FREM2: variants seen among roughly 807,000 people sequenced by gnomAD.
FREM2 encodes the protein FRAS1 related extracellular matrix 2.
A neutral mutation model predicts 219.9 loss-of-function variants in FREM2; 119 were observed. That is an observed-to-expected ratio of 0.54 (90% CI 0.47 to 0.63). FREM2 has a LOEUF of 0.63. Among genes scored for constraint, FREM2 ranks in the 30% least tolerant of loss-of-function variants. The pLI, the probability that FREM2 is intolerant of heterozygous loss-of-function variation, is 0.00. For synonymous variants in FREM2, 1,562 were observed against 1,522.8 expected (o/e 1.03, Z -0.60); for missense variants, 4,030 against 3,993.6 (o/e 1.01, Z -0.25).
intron 14 of FREM2, among the ~76,000 whole-genome samples, chr13:38,860,650 T>C (rs1347713548): frequency 6.6e-6 from 1 of 152,246 alleles, no homozygotes; most frequent in Non-Finnish European, 1.5e-5. Context: ...CTATTTTCTC[T>C]GTTTTATACA....
Position 38,688,011 on chromosome 13 carries a change from G to A in FREM2, c.667G>A (p.Gly223Ser), listed in dbSNP as rs1274846305. Residue 223 changes from glycine (G) to serine (S), a missense_variant, in exon 1 of 24, where the codon GGC becomes AGC. Gly to Ser is a moderately conservative substitution (Grantham distance 56). Around this residue, in one of 2 missense-constraint regions of FREM2, gnomAD observed 3,102 missense variants for 2,950.7 expected, o/e 1.05. Coordinates refer to ENST00000280481, the MANE Select transcript of FREM2 (RefSeq NM_207361.6). ...GGAGTGCCGCGTGGGCATCCTGTCC[G>A]GCTTGGGCGCGCTGCCTCGCTATGG... ...TEECRVGILSGLGALPRYGEL... is the reference protein window; with the variant it reads ...TEECRVGILSSLGALPRYGEL... The A allele has an allele frequency of 6.2e-7, 1 of 1,611,890 alleles. No individual in the cohort carries two copies. Among genetic ancestry groups the A allele is most frequent in the Non-Finnish European group, 8.5e-7 (1 of 1,178,558 alleles).
At position 38,688,265 on chromosome 13, in the gene FREM2, G is replaced by A; in HGVS notation, c.921G>A (p.Val307=). 6.2e-7 allele frequency: 1 copy of A among 1,614,056 alleles called. No individual in the cohort carries two copies. Among genetic ancestry groups the A allele is most frequent in the Non-Finnish European group, 8.5e-7 (1 of 1,180,042 alleles). ...AACGCGAGCACTTCCAGGTTCTGGT[G>A]AGGATCCGAGGAGGGGCCGAGAACA... is the stretch of plus-strand genomic sequence containing the variant. The part of the protein sequence containing the change: ...ALKREHFQVL[V]RIRGGAENTA... The change falls in exon 1 of 24, where the codon GTG becomes GTA. Residue 307 remains valine (V), a synonymous_variant. Transcript: ENST00000280481.
intron 6 of FREM2, among the ~76,000 whole-genome samples, chr13:38,838,799 T>G (rs967180960): frequency 6.6e-6 from 1 of 152,226 alleles, no homozygotes; most frequent in Non-Finnish European, 1.5e-5. Context: ...GTGCTGTGTT[T>G]TTCAGCTCCA....
At chr13:38,743,747 T>G (rs1038015635) in intron 2 of FREM2, among the ~76,000 whole-genome samples, 6 of 152,150 alleles carry the variant, frequency 3.9e-5, no homozygotes, top group African/African-American at 1.4e-4. Flanking sequence ...GCTTAATCCT[T>G]ACTGAATAGA....
At chr13:38,694,873 A>G (rs1870040005) in intron 1 of FREM2, among the ~76,000 whole-genome samples, 1 of 152,142 alleles carries the variant, frequency 6.6e-6, no homozygotes, top group African/African-American at 2.4e-5. Flanking sequence ...CTTCCCTACA[A>G]TAAGTACGTA....
intron 6 of FREM2, 143 bp from the exon 7 acceptor site, chr13:38,846,430 A>G (rs1877154842): frequency 1.3e-6 from 1 of 752,674 alleles, no homozygotes; most frequent in South Asian, 1.7e-5. Flanking sequence ...GATTAAAGAG[A>G]TGTTATCTCA....
At chr13:38,828,621 G>A (rs756689672) in intron 6 of FREM2, among the ~76,000 whole-genome samples, 4 of 151,984 alleles carry the variant, frequency 2.6e-5, no homozygotes, top group Non-Finnish European at 5.9e-5. Flanking sequence ...TGAGGCAGGA[G>A]GATCACTTGA....
intron 21 of FREM2, 71 bp downstream of exon 21, chr13:38,877,314 T>A (rs749789511): frequency 5.9e-5 from 92 of 1,552,186 alleles, no homozygotes; most frequent in Non-Finnish European, 6.6e-5. Context: ...TTTTGGGGAT[T>A]GTGTTTGAGG....
rs777478505 is a variant in FREM2 at position 38,872,797 on chromosome 13, A to G, written c.8039A>G (p.Tyr2680Cys). The G allele has an allele frequency of 6.2e-7, 1 of 1,613,822 alleles. No homozygotes were observed. The highest frequency in any genetic ancestry group is 1.3e-5 in the African/African-American group (1 of 74,856). Residue 2680 changes from tyrosine to cysteine, a missense_variant, in exon 17 of 24, where the codon TAC (tyrosine) becomes TGC (cysteine). Tyr to Cys is a radical substitution (Grantham distance 194). Transcript: ENST00000280481. ...CTTCGAGTCCCTCTGTATGTTTCCT[A>G]CGTGTTCCATTCCCCCGTGGGGGTA... ...VTLRVPLYVS[Y>C]VFHSPVGVGG...
intron 6 of FREM2, among the ~76,000 whole-genome samples, chr13:38,845,927 T>C (rs929477770): frequency 3.9e-5 from 6 of 152,212 alleles, no homozygotes; most frequent in Non-Finnish European, 5.9e-5. Context: ...AGAATTAATA[T>C]TAACCTCTTC....
rs1878538577 is a variant in FREM2 at position 38,881,231 on chromosome 13, A to T, written c.*444A>T. ...TATTACTAGAAAGGTTTTTGTTGCT[A>T]GTCTGGAAAACTGGTGAACACACTG... On this transcript the variant is annotated 3_prime_UTR_variant, in exon 24 of 24. Transcript: ENST00000280481. The T allele has an allele frequency of 4.3e-6, 1 of 234,290 alleles. No individual in the cohort carries two copies. The highest frequency in any genetic ancestry group is 2.3e-5 in the African/African-American group (1 of 43,548). 14.5% of individuals were successfully genotyped at this position (234,290 alleles called of 1,614,324 possible).
intron 4 of FREM2, among the ~76,000 whole-genome samples, chr13:38,782,512 A>T (rs774944994): frequency 6.6e-6 from 1 of 152,236 alleles, no homozygotes; most frequent in African/African-American, 2.4e-5. Flanking sequence ...ATTTTTTAAA[A>T]TGTTGAACAA....
In FREM2 at chr13:38,769,670, G is replaced by T. The variant is rs767743882; in HGVS notation, c.5503G>T (p.Ala1835Ser). The T allele has an allele frequency of 5.0e-6, 8 of 1,614,154 alleles. No individual in the cohort carries two copies. In the South Asian group the frequency reaches 8.8e-5, roughly 18 times the overall value. Residue 1835 changes from alanine to serine, a missense_variant, in exon 4 of 24, where the codon GCC becomes TCC. Transcript: ENST00000280481. ...GCAGTTCAACCCAGGCCAGACCAGG[G>T]CCACATGGCGAGTGCGGATCCTGAG... ...QVQFNPGQTRATWRVRILSDG... is the reference protein window; with the variant it reads ...QVQFNPGQTRSTWRVRILSDG...
chr13:38,720,572 T>C (rs1871185328), intron 2 of FREM2, among the ~76,000 whole-genome samples: 1 of 152,186 alleles, frequency 6.6e-6, no homozygotes, highest in Admixed American at 6.5e-5. Context: ...TAAAATCAGG[T>C]GTCAGGCAGG....
At chr13:38,863,170 C>T (rs1042173699) in intron 15 of FREM2, among the ~76,000 whole-genome samples, 1 of 152,106 alleles carries the variant, frequency 6.6e-6, no homozygotes, top group Admixed American at 6.5e-5. Context: ...ATGCCTCAGC[C>T]TCCTAAGTAG....
Position 38,851,728 on chromosome 13 carries a change from A to C in FREM2, c.6785A>C (p.Glu2262Ala). 1.2e-6 allele frequency: 2 copies of C among 1,613,672 alleles called. No homozygotes were observed. The highest frequency in any genetic ancestry group is 1.7e-6 in the Non-Finnish European group (2 of 1,179,592). The change falls in exon 11 of 24, where the codon GAA becomes GCA. Residue 2262 changes from glutamate to alanine, a missense_variant. Around this residue, in one of 2 missense-constraint regions of FREM2, gnomAD observed 3,102 missense variants for 2,950.7 expected, o/e 1.05. Transcript: ENST00000280481. ...KFGETKFSVT[E>A]PKEPGESVVI... ...GGAGAAACCAAATTTAGTGTCACTGAACCCAAAGAACCTGGAGAGTCGGTG... is the reference window on the plus strand; with the variant it reads ...GGAGAAACCAAATTTAGTGTCACTGCACCCAAAGAACCTGGAGAGTCGGTG...
chr13:38,798,627 A>G (rs1055706424), intron 6 of FREM2, among the ~76,000 whole-genome samples: 5 of 152,106 alleles, frequency 3.3e-5, no homozygotes, highest in African/African-American at 1.2e-4. Flanking sequence ...ACTTTTCATT[A>G]CTGATTCAAT....
At chr13:38,781,090 C>A (rs1416991244) in intron 4 of FREM2, among the ~76,000 whole-genome samples, 1 of 152,150 alleles carries the variant, frequency 6.6e-6, no homozygotes, top group African/African-American at 2.4e-5. Flanking sequence ...CTGAAGGGCT[C>A]ATGTGACCTG....
chr13:38,689,181 C>T lies in FREM2; in HGVS notation c.1837C>T (p.Arg613Cys), dbSNP rs140036522. The T allele has an allele frequency of 1.0e-4, 163 of 1,613,944 alleles. No homozygotes were observed. Among genetic ancestry groups the T allele is most frequent in the Admixed American group, 1.7e-4 (10 of 59,994 alleles). Residue 613 changes from arginine to cysteine, a missense_variant, in exon 1 of 24, where the codon CGC (arginine) becomes TGC (cysteine). Arg to Cys is a radical substitution (Grantham distance 180). Around this residue, in one of 2 missense-constraint regions of FREM2, gnomAD observed 3,102 missense variants for 2,950.7 expected, o/e 1.05. Coordinates refer to ENST00000280481, the MANE Select transcript of FREM2 (RefSeq NM_207361.6). The part of the protein sequence containing the change: ...PFLTTGHLLL[R>C]QTHPPHEKQE... ...CTTAACTACGGGGCATCTGCTTCTC[C>T]GCCAAACTCACCCTCCCCATGAGAA...
Sources: allele counts gnomAD v4.1 joint callset (sites outside exome capture counted in the v4.1 genomes callset), GRCh38; gene constraint gnomAD v4.1.1; regional missense constraint gnomAD v4.1.1; transcripts MANE v1.5; gene names NCBI Gene and HGNC (gene_info 2026-07-23, HGNC 2026-07-21).